The following TXNRD2 variants were observed in gnomAD, a reference collection of about 807,000 sequenced individuals.
TXNRD2 encodes the protein thioredoxin reductase 2.
Under a neutral mutation model 70.8 loss-of-function variants are expected in TXNRD2, and 67 were observed. The ratio of observed to expected loss-of-function variants is 0.95; its 90% CI spans 0.78 to 1.16. The LOEUF (loss-of-function observed/expected upper bound fraction) is 1.16. Among genes scored for constraint, TXNRD2 ranks in the 50% most tolerant of loss-of-function variants. The pLI is 0.00. For missense variants in TXNRD2, 644 were observed against 719.9 expected (o/e 0.89, Z 1.21); for synonymous variants, 301 against 295.8 (o/e 1.02, Z -0.18).
At chr22:19,899,143 C>T (rs2145979818) in intron 8 of TXNRD2, 75 bp from the exon 9 acceptor site, 6 of 1,591,530 alleles carry the variant, frequency 3.8e-6, no homozygotes, top group African/African-American at 1.3e-5. Context: ...AGCAGAACCC[C>T]GCAGCCTTTG....
At chr22:19,935,271 A>C (rs544417751) in intron 1 of TXNRD2, among the ~76,000 whole-genome samples, 8 of 152,286 alleles carry the variant, frequency 5.3e-5, no homozygotes, top group South Asian at 2.1e-4. Context: ...TGTCTGTCTT[A>C]TGCGGTTGAG....
Position 19,878,429 on chromosome 22 carries a change from G to GT in TXNRD2, c.1283dup (p.His428GlnfsTer5). The GT allele has an allele frequency of 6.2e-7, 1 of 1,613,614 alleles. No homozygotes were observed. Among genetic ancestry groups the GT allele is most frequent in the Non-Finnish European group, 8.5e-7 (1 of 1,179,988 alleles). Reference sequence around the variant, plus strand: ...TGAACTCCAGTGGTTTATAATGGGCGTGATAGACCTGAGGACAGGATACCA... The same window carrying GT: ...TGAACTCCAGTGGTTTATAATGGGCGTTGATAGACCTGAGGACAGGATACCA... On this transcript the variant is annotated frameshift_variant, in exon 15 of 18. Coordinates refer to ENST00000400521, the MANE Select transcript of TXNRD2 (RefSeq NM_006440.5). LOFTEE classifies it high-confidence loss of function.
At chr22:19,922,739 T>G (rs953350538) in intron 2 of TXNRD2, among the ~76,000 whole-genome samples, 6 of 152,142 alleles carry the variant, frequency 3.9e-5, no homozygotes, top group African/African-American at 1.4e-4. Context: ...CAGGCTGGAG[T>G]GCAGTGGCGT....
chr22:19,927,932 C>T (rs1296085782), intron 2 of TXNRD2, among the ~76,000 whole-genome samples: 4 of 151,880 alleles, frequency 2.6e-5, no homozygotes, highest in Non-Finnish European at 4.4e-5. Flanking sequence ...ATATGAAACA[C>T]TTAGGGATGT....
intron 1 of TXNRD2, among the ~76,000 whole-genome samples, chr22:19,936,962 G>A (rs909781976): frequency 6.6e-5 from 10 of 152,146 alleles, no homozygotes; most frequent in African/African-American, 1.7e-4. Context: ...GTCGATATAC[G>A]CCGCTCAATC....
chr22:19,893,303 G>A (rs751207620), intron 11 of TXNRD2, among the ~76,000 whole-genome samples: 7 of 152,192 alleles, frequency 4.6e-5, no homozygotes, highest in African/African-American at 7.2e-5. Context: ...GAAAGGCCTC[G>A]GAGAACTAAC....
chr22:19,916,113 C>T, intron 5 of TXNRD2: 1 of 435,822 alleles, frequency 2.3e-6, no homozygotes, highest in Non-Finnish European at 4.3e-6. Context: ...TCCTAAGAGG[C>T]CACGTACAGC....
intron 11 of TXNRD2, chr22:19,891,525 A>T (rs1939262150): frequency 6.6e-6 from 1 of 152,266 alleles, no homozygotes; most frequent in African/African-American, 2.4e-5. Context: ...TTTAAAACCA[A>T]ATCTAAACTT....
intron 11 of TXNRD2, among the ~76,000 whole-genome samples, chr22:19,889,271 C>A (rs1939163312): frequency 6.6e-6 from 1 of 152,220 alleles, no homozygotes; most frequent in African/African-American, 2.4e-5. Flanking sequence ...GCCCAGAGGA[C>A]CCCCAGGAAG....
intron 6 of TXNRD2, 46 bp from the exon 7 acceptor site, chr22:19,915,322 A>G: frequency 6.3e-7 from 1 of 1,590,464 alleles, no homozygotes; most frequent in Non-Finnish European, 8.6e-7. Flanking sequence ...GTGCATGGTG[A>G]TCACCCCACC....
chr22:19,925,107 G>A (rs148585035), intron 2 of TXNRD2, among the ~76,000 whole-genome samples: 5,541 of 151,058 alleles, frequency 0.037, 221 homozygotes, highest in South Asian at 0.11. Flanking sequence ...ACACGGCGAA[G>A]CCCCGTTTCT....
chr22:19,915,086 G>T, intron 7 of TXNRD2, 128 bp downstream of exon 7: 1 of 871,164 alleles, frequency 1.1e-6, no homozygotes. Context: ...AGAAAGTGAT[G>T]ATAGTGAGTA....
chr22:19,897,979 G>T (rs1448968611), intron 10 of TXNRD2, 60 bp downstream of exon 10: 3 of 1,407,016 alleles, frequency 2.1e-6, no homozygotes, highest in African/African-American at 1.4e-5. Flanking sequence ...TGCCTGGGAG[G>T]GGGCTGTGGG....
At chr22:19,897,336 C>T (rs1191197466) in intron 10 of TXNRD2, among the ~76,000 whole-genome samples, 1 of 152,224 alleles carries the variant, frequency 6.6e-6, no homozygotes, top group Non-Finnish European at 1.5e-5. Flanking sequence ...ATCTGCACAG[C>T]TCACCCTGCA....
intron 8 of TXNRD2, among the ~76,000 whole-genome samples, chr22:19,899,595 G>A (rs577090849): frequency 4.1e-4 from 63 of 152,356 alleles, no homozygotes; most frequent in African/African-American, 1.3e-3. Flanking sequence ...AGGACCCCAG[G>A]GACAAGGGAG....
chr22:19,898,399 G>A (rs1265605547), intron 9 of TXNRD2, among the ~76,000 whole-genome samples: 1 of 152,214 alleles, frequency 6.6e-6, no homozygotes, highest in African/African-American at 2.4e-5. Context: ...CTGCATCCTG[G>A]TGGATTCCAG....
intron 8 of TXNRD2, among the ~76,000 whole-genome samples, chr22:19,909,848 T>TCA (rs1444530680): frequency 1.5e-4 from 2 of 13,124 alleles, no homozygotes; most frequent in African/African-American, 8.6e-4. Context: ...CCCACACCCT[T>TCA]CACACACACA....
At position 19,911,402 on chromosome 22, in the gene TXNRD2, A is replaced by G; in HGVS notation, c.637T>C (p.Trp213Arg). Residue 213 changes from tryptophan to arginine, a missense_variant, in exon 8 of 18, where the codon TGG (tryptophan) becomes CGG (arginine). Physicochemically the swap from Trp to Arg is moderately radical, Grantham distance 101 (BLOSUM62 -3). Transcript: ENST00000400521. ...EYGITSDDIFWLKESPGKTLV... is the reference protein window; with the variant it reads ...EYGITSDDIFRLKESPGKTLV... ...GTTTTTCCAGGGGATTCCTTCAGCC[A>G]GAAGATGTCATCACTTGTGATTCCA... 1.2e-6 allele frequency: 2 copies of G among 1,614,130 alleles called. No homozygotes were observed. Among genetic ancestry groups the G allele is most frequent in the Non-Finnish European group, 1.7e-6 (2 of 1,179,996 alleles).
At chr22:19,906,043 G>A (rs1303037856) in intron 8 of TXNRD2, among the ~76,000 whole-genome samples, 1 of 151,802 alleles carries the variant, frequency 6.6e-6, no homozygotes, top group East Asian at 1.9e-4. Context: ...CATCACACAA[G>A]TTAAAAGACA....
Sources: allele counts gnomAD v4.1 joint callset (sites outside exome capture counted in the v4.1 genomes callset), GRCh38; gene constraint gnomAD v4.1.1; transcripts MANE v1.5; gene names NCBI Gene and HGNC (gene_info 2026-07-23, HGNC 2026-07-21).